Variants in SCML2 observed in about 807,000 individuals in gnomAD.
SCML2 encodes sex comb on midleg-like protein 2.
SCML2 carries 6 observed loss-of-function variants against 48.4 expected under a neutral mutation model. The ratio of observed to expected loss-of-function variants is 0.12; its 90% CI spans 0.07 to 0.24. The LOEUF is 0.24. SCML2 is among the 10% of genes least tolerant of loss of function. SCML2 has a pLI of 1.00. For synonymous variants in SCML2, 181 were observed against 189.5 expected (o/e 0.95, Z 0.37); for missense variants, 377 against 528.2 (o/e 0.71, Z 2.81).
rs775473450 is a variant in SCML2 at position 18,297,885 on chromosome X, T to C, written c.730+7087A>G. 4.5e-5 allele frequency among the ~76,000 whole-genome samples: 5 copies of C among 110,855 alleles called. No individual in the cohort carries two copies. In the South Asian group the frequency reaches 1.9e-3, roughly 43 times the overall value. On this transcript the variant is annotated intron_variant, in intron 7 of 14. Coordinates refer to ENST00000251900, the MANE Select transcript of SCML2 (RefSeq NM_006089.3). Reference sequence around the variant, plus strand: ...TTAGCTGGGCATGGTGACACATGCCTGTAGTCCCAGCTACTCAGAAGGCTG... The same window carrying C: ...TTAGCTGGGCATGGTGACACATGCCCGTAGTCCCAGCTACTCAGAAGGCTG...
At chrX:18,261,281 C>T (rs1226618278) in intron 8 of SCML2, among the ~76,000 whole-genome samples, 3 of 107,981 alleles carry the variant, frequency 2.8e-5, no homozygotes, top group Non-Finnish European at 3.8e-5. Context: ...TATAGGCATG[C>T]GCCACTGCCT....
At chrX:18,354,368 G>A (rs1470322700) in intron 1 of SCML2, among the ~76,000 whole-genome samples, 1 of 112,172 alleles carries the variant, frequency 8.9e-6, no homozygotes, top group Non-Finnish European at 1.9e-5. Context: ...GGCGGCGTGA[G>A]GGGAAACGCG....
chrX:18,353,816 C>G (rs1005489827), intron 1 of SCML2, among the ~76,000 whole-genome samples: 2 of 113,103 alleles, frequency 1.8e-5, no homozygotes, highest in Non-Finnish European at 3.7e-5. Flanking sequence ...CATTCTCCCT[C>G]CGGCTCTTCA....
At chrX:18,293,985 A>C (rs993544629) in intron 7 of SCML2, among the ~76,000 whole-genome samples, 2 of 112,348 alleles carry the variant, frequency 1.8e-5, no homozygotes, top group Admixed American at 1.9e-4. Context: ...CCTTCAGTAA[A>C]GGAAATTCTG....
At chrX:18,290,501 T>G (rs763153040) in intron 7 of SCML2, among the ~76,000 whole-genome samples, 48 of 111,263 alleles carry the variant, frequency 4.3e-4, no homozygotes, top group Non-Finnish European at 3.0e-4. Flanking sequence ...GCTTAAAGAA[T>G]TAGGCTACAA....
At chrX:18,334,688 T>A (rs1929755159) in intron 1 of SCML2, among the ~76,000 whole-genome samples, 1 of 112,050 alleles carries the variant, frequency 8.9e-6, no homozygotes, top group African/African-American at 3.2e-5. Flanking sequence ...ATGCCAGACA[T>A]TCTGCAGCAA....
chrX:18,279,697 CACT>C (rs1426802263), intron 7 of SCML2, among the ~76,000 whole-genome samples: 1 of 111,971 alleles, frequency 8.9e-6, no homozygotes, highest in Non-Finnish European at 1.9e-5. Flanking sequence ...CTGAAAAACT[CACT>C]ACAAGAATTT....
intron 1 of SCML2, among the ~76,000 whole-genome samples, chrX:18,348,776 C>A (rs2147573873): frequency 9.0e-6 from 1 of 111,348 alleles, no homozygotes; most frequent in East Asian, 2.8e-4. Flanking sequence ...AAAAAAGCAA[C>A]AGTTCATAGC....
chrX:18,253,454 T>C (rs1040016090), intron 11 of SCML2, among the ~76,000 whole-genome samples: 22 of 111,508 alleles, frequency 2.0e-4, no homozygotes, highest in African/African-American at 7.2e-4. Context: ...ACAAAGACTA[T>C]AACGCAATTT....
intron 9 of SCML2, among the ~76,000 whole-genome samples, chrX:18,259,039 G>A (rs919637475): frequency 9.0e-6 from 1 of 111,144 alleles, no homozygotes; most frequent in Non-Finnish European, 1.9e-5. Flanking sequence ...CAAGGTGGGC[G>A]GATCAACTCA....
At chrX:18,258,803 C>T (rs1926955875) in intron 9 of SCML2, among the ~76,000 whole-genome samples, 1 of 109,895 alleles carries the variant, frequency 9.1e-6, no homozygotes, top group African/African-American at 3.3e-5. Context: ...AAAAATGTTC[C>T]TTCTATATAT....
chrX:18,346,307 T>A (rs1930199958), intron 1 of SCML2, among the ~76,000 whole-genome samples: 1 of 111,175 alleles, frequency 9.0e-6, no homozygotes, highest in South Asian at 3.8e-4. Flanking sequence ...AGGCTCCGTA[T>A]GAGTTACCAT....
chrX:18,329,263 G>C (rs1421486909), intron 3 of SCML2, among the ~76,000 whole-genome samples: 2 of 111,941 alleles, frequency 1.8e-5, no homozygotes, highest in African/African-American at 3.2e-5. Context: ...CATTTCCTCA[G>C]AGGATTTGGG....
intron 7 of SCML2, among the ~76,000 whole-genome samples, chrX:18,303,066 C>T (rs1236093874): frequency 9.0e-6 from 1 of 110,998 alleles, no homozygotes; most frequent in Non-Finnish European, 1.9e-5. Flanking sequence ...GCATATGGTC[C>T]CCATCTCATG....
intron 2 of SCML2, among the ~76,000 whole-genome samples, chrX:18,333,087 C>T (rs1215468332): frequency 9.1e-6 from 1 of 109,711 alleles, no homozygotes. Flanking sequence ...AGCAGCCTGG[C>T]CAACATGGCA....
chrX:18,250,111 A>C (rs868551131), intron 11 of SCML2, among the ~76,000 whole-genome samples: 16 of 111,472 alleles, frequency 1.4e-4, no homozygotes, highest in African/African-American at 4.6e-4. Context: ...TTTTCAACAA[A>C]AAAAAAATGA....
At chrX:18,304,948 A>G (rs959162281) in intron 7 of SCML2, 24 bp downstream of exon 7, 1 of 1,189,457 alleles carries the variant, frequency 8.4e-7, no homozygotes, top group African/African-American at 1.8e-5. Context: ...AAGTAGAAGA[A>G]AAAGTAGTTA....
intron 5 of SCML2, among the ~76,000 whole-genome samples, chrX:18,323,348 C>G (rs1431045782): frequency 8.9e-6 from 1 of 111,908 alleles, no homozygotes; most frequent in Admixed American, 9.5e-5. Flanking sequence ...TTTCAAAGAC[C>G]TAAAGGTACT....
intron 13 of SCML2, among the ~76,000 whole-genome samples, chrX:18,245,025 C>T (rs183102166): frequency 9.0e-6 from 1 of 111,563 alleles, no homozygotes. Flanking sequence ...AAGGACTGGC[C>T]CAGCCACTTT....
Sources: gnomAD v4.1 joint callset for allele counts (sites outside exome capture counted in the v4.1 genomes callset) on GRCh38, gnomAD v4.1.1 for gene constraint, MANE v1.5 for transcripts, NCBI Gene and HGNC (gene_info 2026-07-23, HGNC 2026-07-21) for gene names.